Variants in PCDHA12 observed in about 807,000 individuals in gnomAD.
The protein encoded by PCDHA12 is protocadherin alpha-12.
In PCDHA12, 44 loss-of-function variants were observed where a neutral mutation model predicts 60.0. That is an observed-to-expected ratio of 0.73 (90% CI 0.58 to 0.94). PCDHA12 has a LOEUF of 0.94. PCDHA12 is among the 40% of genes least tolerant of loss of function. PCDHA12 has a pLI of 0.00. For missense variants in PCDHA12, 1,276 were observed against 1,239.7 expected, an observed-to-expected ratio of 1.03 and a Z score of -0.44; for synonymous variants, 569 against 553.0, an observed-to-expected ratio of 1.03 and a Z score of -0.40.
chr5:141,009,562 C>G lies in PCDHA12; in HGVS notation c.2516-65C>G, dbSNP rs1469033090. On this transcript the variant is annotated intron_variant, in intron 3 of 3. Transcript: ENST00000398631. ...GCCTATGCAGTACTCCTGTACTCTA[C>G]CAGCAGTGTGGCATCAAGAGCATGT... The G allele has an allele frequency of 2.5e-6, 4 of 1,571,226 alleles. No individual in the cohort carries two copies. In the African/African-American group the frequency reaches 5.4e-5, roughly 21 times the overall value.
chr5:141,000,158 A>G (rs1313496168), intron 3 of PCDHA12, among the ~76,000 whole-genome samples: 1 of 151,968 alleles, frequency 6.6e-6, no homozygotes, highest in Non-Finnish European at 1.5e-5. Context: ...AACAAAAACT[A>G]TTTGATTATT....
intron 3 of PCDHA12, among the ~76,000 whole-genome samples, chr5:140,994,309 C>T (rs924119174): frequency 1.3e-5 from 2 of 152,072 alleles, no homozygotes; most frequent in African/African-American, 4.8e-5. Context: ...TTCACAGGGC[C>T]CAAACACTCT....
chr5:140,922,275 C>T (rs782815629), intron 1 of PCDHA12, among the ~76,000 whole-genome samples: 1 of 152,052 alleles, frequency 6.6e-6, no homozygotes, highest in Non-Finnish European at 1.5e-5. Context: ...AAGATTGGAC[C>T]AAGATATGAA....
At chr5:140,912,237 A>T (rs2075827332) in intron 1 of PCDHA12, among the ~76,000 whole-genome samples, 2 of 152,122 alleles carry the variant, frequency 1.3e-5, no homozygotes, top group South Asian at 4.2e-4. Flanking sequence ...CACTGACTCA[A>T]ATGTTAATCT....
rs782157769 is a variant in PCDHA12, at chr5:140,877,409, G to T, written c.1937G>T (p.Arg646Leu). The change falls in exon 1 of 4, where the codon CGC becomes CTC. Residue 646 changes from arginine (R) to leucine (L), a missense_variant. By Grantham distance (102) the Arg-to-Leu change is moderately radical (BLOSUM62 -2). Coordinates refer to ENST00000398631, the MANE Select transcript of PCDHA12 (RefSeq NM_018903.4). ...ILDEADAPRH[R>L]LLVLVKDHGE... ...GATGAGGCGGACGCTCCGCGCCACC[G>T]CCTGCTGGTGCTGGTGAAGGACCAC... 11 of 1,613,802 alleles carry T rather than the reference G, an allele frequency of 6.8e-6. No homozygotes were observed. The African/African-American group carries it at 1.3e-4, about 20-fold the overall frequency.
At chr5:140,994,157 G>A (rs958405989) in intron 3 of PCDHA12, among the ~76,000 whole-genome samples, 1 of 152,198 alleles carries the variant, frequency 6.6e-6, no homozygotes, top group Non-Finnish European at 1.5e-5. Context: ...TAGGGTCAAC[G>A]AAGGGGAAGG....
intron 1 of PCDHA12, among the ~76,000 whole-genome samples, chr5:140,931,914 A>C (rs1374173998): frequency 1.3e-5 from 2 of 151,960 alleles, no homozygotes; most frequent in Admixed American, 1.3e-4. Context: ...AAAGCATGAC[A>C]TTTAACAATG....
At chr5:141,009,120 T>C (rs1383940737) in intron 3 of PCDHA12, among the ~76,000 whole-genome samples, 1 of 152,236 alleles carries the variant, frequency 6.6e-6, no homozygotes, top group African/African-American at 2.4e-5. Flanking sequence ...ACTAGATTCT[T>C]GGTATCCTGG....
At position 140,926,980 on chromosome 5, in the gene PCDHA12, A is replaced by T. The variant is rs781916280; in HGVS notation, c.2367+49141A>T. ...GCTCGAGTACTCAGTGCCGGAGGAG[A>T]CGGAGCGGGGCGTAGCCGTAGGCAA... On this transcript the variant is annotated intron_variant, in intron 1 of 3. Transcript: ENST00000398631. The T allele has an allele frequency of 1.9e-6, 3 of 1,610,246 alleles. No individual in the cohort carries two copies. The Admixed American group carries it at 5.0e-5, about 27-fold the overall frequency.
intron 1 of PCDHA12, among the ~76,000 whole-genome samples, chr5:140,925,094 G>A (rs1489905457): frequency 6.6e-6 from 1 of 151,188 alleles, no homozygotes; most frequent in Non-Finnish European, 1.5e-5. Flanking sequence ...AGGAAGGAAG[G>A]AAGGAAGGAA....
At chr5:141,003,502 G>C (rs1384211644) in intron 3 of PCDHA12, among the ~76,000 whole-genome samples, 3 of 151,992 alleles carry the variant, frequency 2.0e-5, no homozygotes, top group African/African-American at 2.4e-5. Context: ...TAGTAGAGAT[G>C]GGGTTTCACC....
intron 1 of PCDHA12, chr5:140,928,951 G>C (rs2032668535): frequency 6.2e-7 from 1 of 1,614,028 alleles, no homozygotes; most frequent in Non-Finnish European, 8.5e-7. Flanking sequence ...TTTAGTAATT[G>C]CCTTGGCTTG....
At chr5:140,915,626 GTCTCTCTCTCTCTC>G in intron 1 of PCDHA12, among the ~76,000 whole-genome samples, 1 of 146,536 alleles carries the variant, frequency 6.8e-6, no homozygotes, top group Non-Finnish European at 1.5e-5. Flanking sequence ...GTCTCTTTCT[GTCTCTCTCTCTCTC>G]TCTCTCTCTC....
At chr5:140,915,861 G>A (rs2077339820) in intron 1 of PCDHA12, among the ~76,000 whole-genome samples, 1 of 152,182 alleles carries the variant, frequency 6.6e-6, no homozygotes, top group African/African-American at 2.4e-5. Flanking sequence ...AGCCAAGTTT[G>A]CATCCTTCCC....
intron 1 of PCDHA12, among the ~76,000 whole-genome samples, chr5:140,904,464 T>G (rs2071152048): frequency 1.3e-5 from 2 of 151,802 alleles, no homozygotes; most frequent in South Asian, 4.1e-4. Context: ...CACTTGTTGA[T>G]TGGTGGCTAT....
At chr5:140,973,959 G>A (rs782474164) in intron 1 of PCDHA12, among the ~76,000 whole-genome samples, 2 of 152,198 alleles carry the variant, frequency 1.3e-5, no homozygotes, top group Admixed American at 6.5e-5. Flanking sequence ...TTTTACAGGT[G>A]TCTTTAAATG....
chr5:140,927,127 G>C (rs1202029150), intron 1 of PCDHA12: 1 of 1,613,964 alleles, frequency 6.2e-7, no homozygotes, highest in Non-Finnish European at 8.5e-7. Context: ...GGTGGTCAGA[G>C]AGCCGGCGGA....
At chr5:140,927,893 A>G (rs1554205201) in intron 1 of PCDHA12, 1 of 1,614,050 alleles carries the variant, frequency 6.2e-7, no homozygotes, top group Non-Finnish European at 8.5e-7. Flanking sequence ...ACTGACGTGA[A>G]CGATCATGCC....
chr5:140,928,533 T>C (rs112671808), intron 1 of PCDHA12: 1 of 1,614,230 alleles, frequency 6.2e-7, no homozygotes, highest in African/African-American at 1.3e-5. Flanking sequence ...TTGTGGTAGA[T>C]AGGAATGACA....
Sources: gnomAD v4.1 joint callset for allele counts (sites outside exome capture counted in the v4.1 genomes callset) on GRCh38, gnomAD v4.1.1 for gene constraint, MANE v1.5 for transcripts, NCBI Gene and HGNC (gene_info 2026-07-23, HGNC 2026-07-21) for gene names.